AUTS2: variants seen among roughly 807,000 people sequenced by gnomAD.
AUTS2 encodes the protein autism susceptibility gene 2 protein.
AUTS2 carries 17 observed loss-of-function variants against 112.4 expected under a neutral mutation model. The observed-to-expected ratio is 0.15, with a 90% CI of 0.10 to 0.23. The LOEUF (loss-of-function observed/expected upper bound fraction) is 0.23. Among genes scored for constraint, AUTS2 ranks in the 10% least tolerant of loss-of-function variants. AUTS2 has a pLI of 1.00. For synonymous variants in AUTS2, 751 were observed against 702.7 expected (o/e 1.07, Z -1.09); for missense variants, 1,510 against 1,701.6 (o/e 0.89, Z 1.98).
At chr7:70,208,407 A>G (rs963997257) in intron 4 of AUTS2, among the ~76,000 whole-genome samples, 3 of 152,208 alleles carry the variant, frequency 2.0e-5, no homozygotes, top group African/African-American at 7.2e-5. Flanking sequence ...CTTTCATGAC[A>G]TTTCAGCATT....
At chr7:69,889,608 GTCT>G (rs1794429682) in intron 1 of AUTS2, among the ~76,000 whole-genome samples, 1 of 152,148 alleles carries the variant, frequency 6.6e-6, no homozygotes, top group Non-Finnish European at 1.5e-5. Flanking sequence ...CTATTTGTAT[GTCT>G]TCTTCGGAAA....
chr7:69,890,160 A>G (rs562373012), intron 1 of AUTS2, among the ~76,000 whole-genome samples: 1 of 152,172 alleles, frequency 6.6e-6, no homozygotes, highest in South Asian at 2.1e-4. Context: ...CAGGGACTCA[A>G]CTACTTTGAG....
intron 2 of AUTS2, among the ~76,000 whole-genome samples, chr7:70,090,732 G>A (rs1251905661): frequency 6.7e-6 from 1 of 150,262 alleles, no homozygotes; most frequent in African/African-American, 2.5e-5. Context: ...AGACTGGAGT[G>A]TAGTGGCATG....
chr7:70,480,291 C>G (rs551105031), intron 5 of AUTS2, among the ~76,000 whole-genome samples: 1 of 152,340 alleles, frequency 6.6e-6, no homozygotes, highest in East Asian at 1.9e-4. Context: ...GTACTTTATT[C>G]TAACACATGC....
At chr7:70,428,306 T>A (rs1795514667) in intron 4 of AUTS2, among the ~76,000 whole-genome samples, 1 of 152,198 alleles carries the variant, frequency 6.6e-6, no homozygotes, top group Non-Finnish European at 1.5e-5. Context: ...AGCTGCCATA[T>A]GTGGCACAAA....
chr7:70,192,454 T>C (rs894540623), intron 4 of AUTS2, among the ~76,000 whole-genome samples: 4 of 152,214 alleles, frequency 2.6e-5, no homozygotes, highest in Non-Finnish European at 5.9e-5. Flanking sequence ...ACTTCTGATA[T>C]GTGGAGCAAA....
At chr7:70,189,663 G>T (rs546888113) in intron 4 of AUTS2, among the ~76,000 whole-genome samples, 2 of 152,312 alleles carry the variant, frequency 1.3e-5, no homozygotes, top group South Asian at 2.1e-4. Context: ...GTGAGACAAT[G>T]AGAATATATG....
intron 4 of AUTS2, among the ~76,000 whole-genome samples, chr7:70,173,602 CT>C (rs1297783534): frequency 1.3e-5 from 2 of 152,164 alleles, no homozygotes; most frequent in Admixed American, 1.3e-4. Context: ...TTGGCAGATA[CT>C]GTATTTTTTA....
At chr7:69,647,817 C>A (rs1795099932) in intron 1 of AUTS2, among the ~76,000 whole-genome samples, 1 of 152,166 alleles carries the variant, frequency 6.6e-6, no homozygotes, top group Admixed American at 6.5e-5. Flanking sequence ...TCCTCTTAAG[C>A]CTATAGGGGA....
chr7:69,600,144 G>A (rs949956080), intron 1 of AUTS2, among the ~76,000 whole-genome samples, 182 bp downstream of exon 1: 1 of 152,088 alleles, frequency 6.6e-6, no homozygotes, highest in African/African-American at 2.4e-5. Context: ...ACAGGCAGCA[G>A]GAGGGAGTCG....
intron 4 of AUTS2, among the ~76,000 whole-genome samples, chr7:70,312,139 G>A (rs1467915133): frequency 2.6e-5 from 4 of 152,156 alleles, no homozygotes; most frequent in African/African-American, 4.8e-5. Context: ...GATTACAAGC[G>A]TGAGCCACCA....
chr7:70,136,009 T>C (rs1174071519), intron 4 of AUTS2, among the ~76,000 whole-genome samples: 1 of 152,166 alleles, frequency 6.6e-6, no homozygotes, highest in African/African-American at 2.4e-5. Context: ...CTGAACATTC[T>C]AGTATTTTTT....
chr7:70,397,679 A>C (rs1255010243), intron 4 of AUTS2, among the ~76,000 whole-genome samples: 2 of 152,050 alleles, frequency 1.3e-5, no homozygotes, highest in African/African-American at 2.4e-5. Flanking sequence ...ACACACACAC[A>C]CATTCTGCAA....
At chr7:70,611,362 G>A (rs1306011630) in intron 5 of AUTS2, among the ~76,000 whole-genome samples, 1 of 152,182 alleles carries the variant, frequency 6.6e-6, no homozygotes, top group African/African-American at 2.4e-5. Context: ...TAATGGTTGG[G>A]GCTGCAGTTA....
chr7:70,494,101 A>T (rs1440918072), intron 5 of AUTS2, among the ~76,000 whole-genome samples: 2 of 152,184 alleles, frequency 1.3e-5, no homozygotes, highest in East Asian at 1.9e-4. Flanking sequence ...GGAATTCAAG[A>T]CTCAGAATAA....
chr7:70,691,868 A>T (rs1808770290), intron 5 of AUTS2, among the ~76,000 whole-genome samples: 1 of 130,172 alleles, frequency 7.7e-6, no homozygotes, highest in Non-Finnish European at 1.6e-5. Context: ...GTAACCATTG[A>T]TGACAATTTT....
chr7:70,456,282 C>T (rs980226755), intron 5 of AUTS2, among the ~76,000 whole-genome samples: 4 of 152,190 alleles, frequency 2.6e-5, no homozygotes, highest in African/African-American at 9.7e-5. Context: ...AAAGCTTTTA[C>T]TTTTACTTTT....
intron 5 of AUTS2, among the ~76,000 whole-genome samples, chr7:70,588,954 T>G (rs1409364460): frequency 6.6e-6 from 1 of 152,230 alleles, no homozygotes; most frequent in Admixed American, 6.5e-5. Context: ...TTCTGAGATC[T>G]AAGCATATTC....
chr7:69,868,806 C>T (rs1179472498), intron 1 of AUTS2, among the ~76,000 whole-genome samples: 2 of 152,170 alleles, frequency 1.3e-5, no homozygotes, highest in South Asian at 2.1e-4. Context: ...TGGGCCATTG[C>T]TCTTTCCACT....
Sources: gnomAD v4.1 joint callset for allele counts (sites outside exome capture counted in the v4.1 genomes callset) on GRCh38, gnomAD v4.1.1 for gene constraint, MANE v1.5 for transcripts, NCBI Gene and HGNC (gene_info 2026-07-23, HGNC 2026-07-21) for gene names.